The following AAMDC variants were observed in gnomAD, a reference collection of about 807,000 sequenced individuals.
AAMDC encodes the protein mth938 domain-containing protein.
AAMDC carries 16 observed loss-of-function variants against 15.5 expected under a neutral mutation model. That is an observed-to-expected ratio of 1.03 (90% confidence interval 0.70 to 1.57). The LOEUF (loss-of-function observed/expected upper bound fraction) is 1.57, where lower values mean the gene tolerates loss of function less well. Among genes scored for constraint, AAMDC ranks in the 40% most tolerant of loss-of-function variants. The pLI is 0.00. For missense variants in AAMDC, 141 were observed against 144.9 expected (o/e 0.97, Z 0.14); for synonymous variants, 51 against 51.6 (o/e 0.99, Z 0.05).
intron 2 of AAMDC, among the ~76,000 whole-genome samples, chr11:77,846,593 C>T (rs564576393): frequency 6.8e-4 from 104 of 152,298 alleles, no homozygotes; most frequent in African/African-American, 2.4e-3. Flanking sequence ...GTAATCCCAG[C>T]TACTTGGGAG....
In AAMDC at chr11:77,891,376, C is replaced by T. The variant is rs1280162707; in HGVS notation, c.329-9195C>T. The T allele has an allele frequency of 1.9e-6, 3 of 1,611,714 alleles. No individual in the cohort carries two copies. The South Asian group carries it at 3.3e-5, about 18-fold the overall frequency. ...CATGCTCCAGGGTTGCATCAACATC[C>T]AGGGCAACCACCAACCCAGAGGTAA... On this transcript the variant is annotated intron_variant, in intron 5 of 5. Transcript: ENST00000304716.
rs1948881696 is a variant in AAMDC, at chr11:77,821,223, TGAG to T, written c.-33_-31del. ...ACTGCGCCGTTTGGGAACGCAACTT[TGAG>T]GAGACAGTGCGGTGGGTGAGTTTGC... is the stretch of plus-strand genomic sequence containing the variant. On this transcript the variant is annotated 5_prime_UTR_variant, in exon 1 of 4. Transcript: ENST00000393427. 1 of 274,826 alleles carries T rather than the reference TGAG, an allele frequency of 3.6e-6. No homozygotes were observed. The highest frequency in any genetic ancestry group is 2.2e-5 in the African/African-American group (1 of 45,790). The allele number at this position is 274,826 out of a possible 1,614,324, so 17.0% of individuals were successfully genotyped here. A position where few individuals can be genotyped will look rare whatever the true frequency, so the allele number is the denominator to read the frequency against.
downstream of AAMDC, among the ~76,000 whole-genome samples, chr11:77,873,163 T>G (rs1951502862): frequency 1.3e-5 from 2 of 152,218 alleles, no homozygotes; most frequent in South Asian, 4.1e-4. Context: ...CAAATAGCCT[T>G]GACTTTGAAC....
At chr11:77,893,647 C>T (rs2671991) in intron 5 of AAMDC, among the ~76,000 whole-genome samples, 2 of 152,058 alleles carry the variant, frequency 1.3e-5, no homozygotes, top group Non-Finnish European at 2.9e-5. Flanking sequence ...AATCCCAGCA[C>T]TTTGGGAGGC....
chr11:77,852,043 C>T (rs56316156), intron 2 of AAMDC, among the ~76,000 whole-genome samples: 1,546 of 151,644 alleles, frequency 0.01, 27 homozygotes, highest in African/African-American at 0.036. Flanking sequence ...CTCTTCTCTC[C>T]TTCTCATAAT....
At chr11:77,901,176 A>C (rs1463697139), downstream of AAMDC, among the ~76,000 whole-genome samples, 1 of 152,224 alleles carries the variant, frequency 6.6e-6, no homozygotes, top group Non-Finnish European at 1.5e-5. Flanking sequence ...GTGTTGTGCT[A>C]TATGTAATGG....
intron 2 of AAMDC, among the ~76,000 whole-genome samples, 180 bp downstream of exon 2, chr11:77,842,808 C>T (rs1464541326): frequency 6.6e-6 from 1 of 152,128 alleles, no homozygotes; most frequent in East Asian, 1.9e-4. Flanking sequence ...ATTCAATGCC[C>T]CTGTAGTGAC....
intron 5 of AAMDC, among the ~76,000 whole-genome samples, chr11:77,897,146 T>C (rs1189937169): frequency 1.3e-5 from 2 of 151,912 alleles, no homozygotes; most frequent in East Asian, 3.9e-4. Flanking sequence ...CATTTATGTA[T>C]GAGAGCAAAG....
At chr11:77,879,973 C>T (rs1215315047) in intron 5 of AAMDC, among the ~76,000 whole-genome samples, 8 of 152,096 alleles carry the variant, frequency 5.3e-5, no homozygotes, top group Non-Finnish European at 1.2e-4. Context: ...TCAGAGACTC[C>T]CCAGATGCAC....
In AAMDC at chr11:77,856,451, T is replaced by A. The variant is rs190243871; in HGVS notation, c.133-13271T>A. On this transcript the variant is annotated intron_variant, in intron 2 of 3. Coordinates refer to ENST00000393427, the MANE Select transcript of AAMDC (RefSeq NM_024684.4). ...CCTAGTTCCATAGCTGCTTCCACAT[T>A]TTTTAGTATCTTTATAGCAATACCC... 8.5e-4 allele frequency among the ~76,000 whole-genome samples: 129 copies of A among 152,328 alleles called. 1 individual carries two copies. The highest frequency in any genetic ancestry group is 2.9e-3 in the African/African-American group (122 of 41,562).
chr11:77,890,646 T>C (rs1418754718), intron 5 of AAMDC, among the ~76,000 whole-genome samples: 1 of 152,316 alleles, frequency 6.6e-6, no homozygotes, highest in East Asian at 1.9e-4. Context: ...TCAATGAAAC[T>C]GTGCACACCC....
intron 2 of AAMDC, among the ~76,000 whole-genome samples, chr11:77,865,873 C>T (rs1215824762): frequency 6.6e-6 from 1 of 152,186 alleles, no homozygotes; most frequent in Non-Finnish European, 1.5e-5. Flanking sequence ...GACCATCGGC[C>T]TCAATAGACT....
In AAMDC at chr11:77,872,175, G is replaced by A. The variant is rs1951462105; in HGVS notation, c.229G>A (p.Val77Met). 2 of 1,611,818 alleles carry A rather than the reference G, an allele frequency of 1.2e-6. No individual in the cohort carries two copies. Among genetic ancestry groups the A allele is most frequent in the South Asian group, 1.1e-5 (1 of 90,654 alleles). Residue 77 changes from valine (V) to methionine (M), a missense_variant and splice_region_variant, in exon 4 of 4, where the codon GTG (valine) becomes ATG (methionine). Coordinates refer to ENST00000393427, the MANE Select transcript of AAMDC (RefSeq NM_024684.4). Reference sequence around the variant, plus strand: ...ACTCATCTCTTTTCCACCTTCCCAGGTGCCTTCATCAACTGTGGAGTACCT... The same window carrying A: ...ACTCATCTCTTTTCCACCTTCCCAGATGCCTTCATCAACTGTGGAGTACCT... ...IGRGMSEALKVPSSTVEYLKK... is the reference protein window; with the variant it reads ...IGRGMSEALKMPSSTVEYLKK...
At chr11:77,882,796 C>A (rs748747462) in intron 5 of AAMDC, among the ~76,000 whole-genome samples, 2 of 152,172 alleles carry the variant, frequency 1.3e-5, no homozygotes, top group Non-Finnish European at 2.9e-5. Context: ...AAAGGCCCAG[C>A]GCAGTGGCTC....
At chr11:77,882,315 A>G (rs556408715) in intron 5 of AAMDC, among the ~76,000 whole-genome samples, 1 of 152,292 alleles carries the variant, frequency 6.6e-6, no homozygotes, top group African/African-American at 2.4e-5. Context: ...GGGGCCTAGG[A>G]AAAAGAACCT....
Position 77,891,864 on chromosome 11 carries a change from T to C in AAMDC, c.329-8707T>C, listed in dbSNP as rs757213437. The C allele has an allele frequency of 3.1e-6, 5 of 1,610,460 alleles. No individual in the cohort carries two copies. The South Asian group carries it at 5.5e-5, about 18-fold the overall frequency. On this transcript the variant is annotated intron_variant, in intron 5 of 5. Coordinates refer to the AAMDC transcript ENST00000304716. ...ACCTGGAGGAACAAACAGAAGCAAC[T>C]GACTCATTCAACTGTGCACTCATTC...
At position 77,872,183 on chromosome 11, in the gene AAMDC, A is replaced by G. The variant is rs1312843921; in HGVS notation, c.237A>G (p.Ser79=). ...RGMSEALKVP[S]STVEYLKKHG... is the part of the protein sequence containing the mutation. ...CTTTTCCACCTTCCCAGGTGCCTTC[A>G]TCAACTGTGGAGTACCTCAAGAAAC... is the stretch of plus-strand genomic sequence containing the variant. The change falls in exon 4 of 4, where the codon TCA becomes TCG. Residue 79 remains serine (S), a synonymous_variant. Coordinates refer to ENST00000393427, the MANE Select transcript of AAMDC (RefSeq NM_024684.4). 6.2e-7 allele frequency: 1 copy of G among 1,612,734 alleles called. No individual in the cohort carries two copies. Among genetic ancestry groups the G allele is most frequent in the Admixed American group, 1.7e-5 (1 of 59,784 alleles).
intron 3 of AAMDC, among the ~76,000 whole-genome samples, chr11:77,871,005 T>TTA (rs1384365797): frequency 6.6e-6 from 1 of 152,116 alleles, no homozygotes; most frequent in Admixed American, 6.6e-5. Flanking sequence ...ATCTAGGGCT[T>TTA]TATATATATA....
chr11:77,901,361 T>C, downstream of AAMDC: 1 of 1,549,916 alleles, frequency 6.5e-7, no homozygotes, highest in Non-Finnish European at 8.9e-7. Flanking sequence ...GATGTCTGAA[T>C]GCATTTGAAG....
Sources: gnomAD v4.1 joint callset for allele counts (sites outside exome capture counted in the v4.1 genomes callset) on GRCh38, gnomAD v4.1.1 for gene constraint, MANE v1.5 for transcripts, NCBI Gene and HGNC (gene_info 2026-07-23, HGNC 2026-07-21) for gene names.